The following TG variants were observed in gnomAD, a reference collection of about 807,000 sequenced individuals.
TG encodes the protein thyroid hormones.
TG carries 270 observed loss-of-function variants against 324.7 expected under a neutral mutation model. The observed-to-expected ratio is 0.83, with a 90% CI of 0.75 to 0.92. The LOEUF is 0.92. Among genes scored for constraint, TG ranks in the 40% least tolerant of loss-of-function variants. The probability of loss-of-function intolerance (pLI) is 0.00; values close to 1 mark genes in which losing one functional copy is unlikely to be tolerated. For missense variants in TG, 3,591 were observed against 3,456.4 expected, an observed-to-expected ratio of 1.04 and a Z score of -0.98; for synonymous variants, 1,401 against 1,327.0, an observed-to-expected ratio of 1.06 and a Z score of -1.21.
At chr8:132,881,241 G>A (rs1017129771) in intron 5 of TG, among the ~76,000 whole-genome samples, 1 of 152,168 alleles carries the variant, frequency 6.6e-6, no homozygotes, top group Non-Finnish European at 1.5e-5. Context: ...CAATTGCCAG[G>A]CCAGATGTGA....
At chr8:132,942,943 T>C (rs1824664858) in intron 26 of TG, among the ~76,000 whole-genome samples, 1 of 152,164 alleles carries the variant, frequency 6.6e-6, no homozygotes, top group Non-Finnish European at 1.5e-5. Context: ...CTGAAGGCTA[T>C]TAACTGAGAC....
Position 133,029,833 on chromosome 8 carries a change from T to A in TG, c.7049T>A (p.Val2350Glu), listed in dbSNP as rs1160547555. Residue 2350 changes from valine (V) to glutamate (E), a missense_variant, in exon 41 of 48, where the codon GTG (valine) becomes GAG (glutamate). Val to Glu is a moderately radical substitution (Grantham distance 121). Coordinates refer to ENST00000220616, the MANE Select transcript of TG (RefSeq NM_003235.5). ...CTCTTTTCTGAAGGGTCCGGAGAGG[T>A]GAGTGGCAACTGGGGGCTGCTGGAC... is the stretch of plus-strand genomic sequence containing the variant. ...FGFLSSGSGE[V>E]SGNWGLLDQV... 1.2e-6 allele frequency: 2 copies of A among 1,613,868 alleles called. No individual in the cohort carries two copies. The highest frequency in any genetic ancestry group is 2.7e-5 in the African/African-American group (2 of 74,890).
intron 24 of TG, 27 bp downstream of exon 24, chr8:132,933,703 C>T: frequency 6.2e-7 from 1 of 1,601,070 alleles, no homozygotes; most frequent in East Asian, 2.2e-5. Context: ...ACGTGTGGTT[C>T]TGCTCCTCAT....
chr8:133,044,590 A>T (rs1008354177), intron 41 of TG, among the ~76,000 whole-genome samples: 9 of 152,126 alleles, frequency 5.9e-5, no homozygotes, highest in African/African-American at 1.9e-4. Context: ...GAGGCGTTTC[A>T]TGTTGGTCTT....
At chr8:132,943,132 T>C (rs947341740) in intron 26 of TG, among the ~76,000 whole-genome samples, 2 of 152,194 alleles carry the variant, frequency 1.3e-5, no homozygotes, top group African/African-American at 4.8e-5. Context: ...CCATGCCTGA[T>C]ACAATTTGGA....
intron 16 of TG, among the ~76,000 whole-genome samples, chr8:132,904,209 G>A (rs888783278): frequency 1.3e-5 from 2 of 152,216 alleles, no homozygotes; most frequent in Admixed American, 6.5e-5. Context: ...GTCAACGCCT[G>A]GGAGGCCTTT....
chr8:132,919,430 T>C lies in TG; in HGVS notation c.4433T>C (p.Val1478Ala), dbSNP rs1261676104. 1 of 1,614,154 alleles carries C rather than the reference T, an allele frequency of 6.2e-7. No homozygotes were observed. Among genetic ancestry groups the C allele is most frequent in the Non-Finnish European group, 8.5e-7 (1 of 1,180,022 alleles). The change falls in exon 21 of 48, where the codon GTT becomes GCT. Residue 1478 changes from valine to alanine, a missense_variant. By Grantham distance (64) the Val-to-Ala change is moderately conservative. Transcript: ENST00000220616. Reference sequence around the variant, plus strand: ...GATGAGGAATGCATTCCTTGTCCTGTTGGATTCTACCAAGAACAGGCAGGG... The same window carrying C: ...GATGAGGAATGCATTCCTTGTCCTGCTGGATTCTACCAAGAACAGGCAGGG... ...SQDEECIPCP[V>A]GFYQEQAGSL...
chr8:132,938,190 G>A (rs1823885738), intron 25 of TG, among the ~76,000 whole-genome samples: 2 of 152,222 alleles, frequency 1.3e-5, no homozygotes, highest in African/African-American at 2.4e-5. Context: ...TCAGCTCGCA[G>A]TAGGTAGTTA....
At chr8:133,106,554 A>G in intron 43 of TG, 10 of 730,114 alleles carry the variant, frequency 1.4e-5, no homozygotes, top group Non-Finnish European at 1.7e-5. Flanking sequence ...TCATCACTCC[A>G]CTGACCCCGT....
At chr8:132,981,059 A>T (rs1455398376) in intron 34 of TG, among the ~76,000 whole-genome samples, 1 of 152,218 alleles carries the variant, frequency 6.6e-6, no homozygotes, top group East Asian at 1.9e-4. Flanking sequence ...TGCTACCTAC[A>T]TATGGAAGCT....
intron 41 of TG, among the ~76,000 whole-genome samples, chr8:133,055,363 G>GCACACACA (rs1219639810): frequency 5.6e-4 from 18 of 32,016 alleles, no homozygotes; most frequent in East Asian, 3.8e-3. Flanking sequence ...ACACGCACGC[G>GCACACACA]CGCACACACA....
chr8:132,965,625 G>A (rs1455904937), intron 29 of TG, among the ~76,000 whole-genome samples: 1 of 152,188 alleles, frequency 6.6e-6, no homozygotes. Flanking sequence ...CCTGGGTGTT[G>A]GGGTCCTTGG....
intron 26 of TG, among the ~76,000 whole-genome samples, chr8:132,945,932 G>A (rs958772710): frequency 4.6e-5 from 7 of 152,042 alleles, no homozygotes; most frequent in Non-Finnish European, 8.8e-5. Context: ...TGGTGGGGCA[G>A]GAACACAGAT....
rs1171668408 is a variant in TG at position 132,882,981 on chromosome 8, G to A, written c.1057G>A (p.Gly353Arg). 6.2e-7 allele frequency: 1 copy of A among 1,613,880 alleles called. No individual in the cohort carries two copies. Among genetic ancestry groups the A allele is most frequent in the East Asian group, 2.2e-5 (1 of 44,882 alleles). The change falls in exon 8 of 48, where the codon GGG (glycine) becomes AGG (arginine). Residue 353 changes from glycine (G) to arginine (R), a missense_variant. By Grantham distance (125) the Gly-to-Arg change is moderately radical (BLOSUM62 -2). Coordinates refer to ENST00000220616, the MANE Select transcript of TG (RefSeq NM_003235.5). ...GGAAATGCATGGAACCCGGCAGCAA[G>A]GGGAGCCGCCATCTTGTGGTGGGTT... ...GKEMHGTRQQ[G>R]EPPSCAEGQS...
intron 43 of TG, chr8:133,106,281 A>T: frequency 2.5e-6 from 1 of 403,344 alleles, no homozygotes; most frequent in Non-Finnish European, 3.4e-6. Flanking sequence ...TGGGGTTTGC[A>T]GCAGGAGGCA....
At chr8:133,011,809 G>A in intron 35 of TG, 92 bp from the exon 36 acceptor site, 1 of 1,570,876 alleles carries the variant, frequency 6.4e-7, no homozygotes, top group Non-Finnish European at 8.7e-7. Flanking sequence ...ATGCCCCTAA[G>A]GCTGCCTTTG....
chr8:133,087,299 C>G lies in TG; in HGVS notation c.7240-7745C>G, dbSNP rs539895325. On this transcript the variant is annotated intron_variant, in intron 41 of 47. Transcript: ENST00000220616. Reference sequence around the variant, plus strand: ...GTTTCCCCTTTAAATAAGCTAAGGTCGCACTGATGGATGTAGAGCAGTATA... The same window carrying G: ...GTTTCCCCTTTAAATAAGCTAAGGTGGCACTGATGGATGTAGAGCAGTATA... Among the ~76,000 whole-genome samples, 48 of 152,234 alleles carry G rather than the reference C, an allele frequency of 3.2e-4. No individual in the cohort carries two copies. The East Asian group carries it at 8.7e-3, about 28-fold the overall frequency.
At chr8:132,906,533 C>T (rs1429833966) in intron 16 of TG, among the ~76,000 whole-genome samples, 155 bp from the exon 17 acceptor site, 1 of 152,048 alleles carries the variant, frequency 6.6e-6, no homozygotes, top group Non-Finnish European at 1.5e-5. Flanking sequence ...GAAAGGGGAG[C>T]AGGCCCAGGC....
At chr8:133,101,264 A>G (rs1288432383) in intron 43 of TG, among the ~76,000 whole-genome samples, 1 of 152,240 alleles carries the variant, frequency 6.6e-6, no homozygotes, top group African/African-American at 2.4e-5. Context: ...AAACTGAGTT[A>G]TGAGCTATGC....
Sources: allele counts gnomAD v4.1 joint callset (sites outside exome capture counted in the v4.1 genomes callset), GRCh38; gene constraint gnomAD v4.1.1; transcripts MANE v1.5; gene names NCBI Gene and HGNC (gene_info 2026-07-23, HGNC 2026-07-21).